The following PMP22 variants were observed in gnomAD, a reference collection of about 807,000 sequenced individuals.
The protein encoded by PMP22 is peripheral myelin protein 22.
In PMP22, 2 loss-of-function variants were observed where a neutral mutation model predicts 18.9. The observed-to-expected ratio is 0.11, with a 90% CI of 0.04 to 0.33. The LOEUF is 0.33. PMP22 is among the 10% of genes least tolerant of loss of function. The probability of loss-of-function intolerance (pLI) is 1.00; values close to 1 mark genes in which losing one functional copy is unlikely to be tolerated. For missense variants in PMP22, 169 were observed against 202.2 expected (o/e 0.84, Z 1.00); for synonymous variants, 95 against 89.2 (o/e 1.07, Z -0.37).
intron 3 of PMP22, among the ~76,000 whole-genome samples, chr17:15,243,864 A>G (rs969304776): frequency 1.4e-4 from 21 of 150,884 alleles, no homozygotes; most frequent in African/African-American, 3.9e-4. Context: ...AGTTTTAGCA[A>G]TTCAAAAATA....
At chr17:15,259,462 T>C (rs1909119617) in intron 2 of PMP22, among the ~76,000 whole-genome samples, 1 of 152,118 alleles carries the variant, frequency 6.6e-6, no homozygotes, top group South Asian at 2.1e-4. Flanking sequence ...CATTCAAGCC[T>C]TCTCTCCTCC....
At position 15,235,644 on chromosome 17, in the gene PMP22, T is replaced by C. The variant is rs1906735054; in HGVS notation, c.319+3827A>G. 1.3e-5 allele frequency among the ~76,000 whole-genome samples: 2 copies of C among 152,210 alleles called. 1 individual carries two copies. Among genetic ancestry groups the C allele is most frequent in the South Asian group, 4.1e-4 (2 of 4,828 alleles). The stretch of plus-strand genomic sequence containing the variant: ...AGGGACAGTTTAATGGCTATGTCAG[T>C]GGTTCCCAACCCTAAATGCACATCA... On this transcript the variant is annotated intron_variant, in intron 4 of 4. Coordinates refer to ENST00000312280, the MANE Select transcript of PMP22 (RefSeq NM_000304.4).
chr17:15,245,349 A>G (rs1408611573), intron 3 of PMP22, among the ~76,000 whole-genome samples: 1 of 152,190 alleles, frequency 6.6e-6, no homozygotes, highest in Non-Finnish European at 1.5e-5. Flanking sequence ...ATCCTGTCCA[A>G]GGTAAGGGTC....
At chr17:15,242,653 T>C (rs1456035520) in intron 3 of PMP22, among the ~76,000 whole-genome samples, 1 of 152,162 alleles carries the variant, frequency 6.6e-6, no homozygotes. Flanking sequence ...TCAAAATAGA[T>C]GTCAGGTAGA....
rs1017551845 is a variant in PMP22 at position 15,242,047 on chromosome 17, T to A, written c.179-2436A>T. ...CAGGTAGATCACTTGAGGCCAGGAG[T>A]TCAAGACCAGCCTGGCCAACATGCC... On this transcript the variant is annotated intron_variant, in intron 3 of 4. Coordinates refer to ENST00000312280, the MANE Select transcript of PMP22 (RefSeq NM_000304.4). 3.3e-5 allele frequency among the ~76,000 whole-genome samples: 5 copies of A among 151,322 alleles called. No individual in the cohort carries two copies. The East Asian group carries it at 7.8e-4, about 24-fold the overall frequency.
At chr17:15,234,173 G>C (rs916932685) in intron 4 of PMP22, among the ~76,000 whole-genome samples, 1 of 152,138 alleles carries the variant, frequency 6.6e-6, no homozygotes, top group Non-Finnish European at 1.5e-5. Context: ...TCAGTAGAAG[G>C]CTGGCTGTGG....
chr17:15,260,586 A>T, intron 2 of PMP22, 64 bp downstream of exon 2: 1 of 1,327,908 alleles, frequency 7.5e-7, no homozygotes, highest in Non-Finnish European at 1.1e-6. Context: ...CAGCAGGAGC[A>T]CGGGCTGGGA....
Position 15,231,025 on chromosome 17 carries a change from A to T in PMP22, c.375T>A (p.His125Gln). The T allele has an allele frequency of 1.2e-6, 2 of 1,614,126 alleles. No individual in the cohort carries two copies. Among genetic ancestry groups the T allele is most frequent in the Non-Finnish European group, 1.7e-6 (2 of 1,180,022 alleles). ...AIYTVRHPEW[H>Q]LNSDYSYGFA... ...AACCGTAGGAGTAATCCGAGTTGAG[A>T]TGCCACTCCGGGTGCCTCACCGTGT... is the stretch of plus-strand genomic sequence containing the variant. Residue 125 changes from histidine to glutamine, a missense_variant, in exon 5 of 5, where the codon CAT (histidine) becomes CAA (glutamine). Coordinates refer to ENST00000312280, the MANE Select transcript of PMP22 (RefSeq NM_000304.4).
At chr17:15,246,713 T>C (rs572105655) in intron 3 of PMP22, among the ~76,000 whole-genome samples, 1 of 152,340 alleles carries the variant, frequency 6.6e-6, no homozygotes, top group Non-Finnish European at 1.5e-5. Context: ...TGCTAAACAT[T>C]TGTGGAGTTT....
At chr17:15,238,545 A>G (rs17773165) in intron 4 of PMP22, among the ~76,000 whole-genome samples, 6,210 of 152,330 alleles carry the variant, frequency 0.041, 200 homozygotes, top group Non-Finnish European at 0.058. Flanking sequence ...AATTTGGACC[A>G]CAGAATCCAC....
chr17:15,248,959 A>G (rs936306364), intron 3 of PMP22, among the ~76,000 whole-genome samples: 4 of 152,234 alleles, frequency 2.6e-5, no homozygotes, highest in Non-Finnish European at 5.9e-5. Context: ...GAGAATGAAC[A>G]GGGAATAATT....
chr17:15,258,022 A>G lies in PMP22; in HGVS notation c.178+1072T>C, dbSNP rs1015402310. Among the ~76,000 whole-genome samples, 3 of 152,222 alleles carry G rather than the reference A, an allele frequency of 2.0e-5. No homozygotes were observed. Among genetic ancestry groups the G allele is most frequent in the Non-Finnish European group, 4.4e-5 (3 of 68,034 alleles). On this transcript the variant is annotated intron_variant, in intron 3 of 4. Transcript: ENST00000312280. This position sits in a 1 kb window ranked among gnomAD's most constrained non-coding sequence, Gnocchi z 4.1. ...CAAAGCAACTGGATTATGCAAAGCC[A>G]GGACCAAAGGCCACTTCACTGCCTG...
At chr17:15,242,490 C>T (rs1038961537) in intron 3 of PMP22, among the ~76,000 whole-genome samples, 1 of 152,004 alleles carries the variant, frequency 6.6e-6, no homozygotes, top group African/African-American at 2.4e-5. Context: ...TTTATTTGAT[C>T]TTTACTTCTG....
chr17:15,247,381 C>T (rs2150689403), intron 3 of PMP22, among the ~76,000 whole-genome samples: 1 of 152,292 alleles, frequency 6.6e-6, no homozygotes, highest in African/African-American at 2.4e-5. Context: ...ACAACAACAA[C>T]AACAAAACTA....
chr17:15,245,874 G>C (rs1281748699), intron 3 of PMP22, among the ~76,000 whole-genome samples: 3 of 151,998 alleles, frequency 2.0e-5, no homozygotes, highest in Non-Finnish European at 4.4e-5. Context: ...TTAGCCGGGC[G>C]TGGTGGCGGG....
intron 4 of PMP22, among the ~76,000 whole-genome samples, chr17:15,231,955 C>A (rs230943): frequency 0.42 from 63,382 of 151,974 alleles, 14,171 homozygotes; most frequent in South Asian, 0.52. Context: ...TGACAGACAG[C>A]GTCCCCCCAC....
chr17:15,230,794 T>G lies in PMP22; in HGVS notation c.*123A>C. Reference sequence around the variant, plus strand: ...AACAGCAACCCCCACCTCCACTGCTTTCTGTTTGGTTTGGTTTGAGTTTGG... The same window carrying G: ...AACAGCAACCCCCACCTCCACTGCTGTCTGTTTGGTTTGGTTTGAGTTTGG... On this transcript the variant is annotated 3_prime_UTR_variant, in exon 5 of 5. Coordinates refer to ENST00000312280, the MANE Select transcript of PMP22 (RefSeq NM_000304.4). 3 of 1,006,254 alleles carry G rather than the reference T, an allele frequency of 3.0e-6. No homozygotes were observed. The highest frequency in any genetic ancestry group is 4.7e-6 in the Non-Finnish European group (3 of 644,882). The allele number at this position is 1,006,254 out of a possible 1,614,324, so 62.3% of individuals were successfully genotyped here.
intron 4 of PMP22, 37 bp downstream of exon 4, chr17:15,239,434 C>G: frequency 6.2e-7 from 1 of 1,612,042 alleles, no homozygotes; most frequent in Non-Finnish European, 8.5e-7. Context: ...CTTGGATGCA[C>G]CCCGCTTCCA....
intron 4 of PMP22, among the ~76,000 whole-genome samples, chr17:15,231,702 G>A (rs574801709): frequency 2.0e-5 from 3 of 152,298 alleles, no homozygotes; most frequent in African/African-American, 7.2e-5. Context: ...GGATGCAGCC[G>A]ACAGTATGAC....
Sources: gnomAD v4.1 joint callset for allele counts (sites outside exome capture counted in the v4.1 genomes callset) on GRCh38, gnomAD v4.1.1 for gene constraint, Gnocchi (gnomAD v3.1) non-coding constraint, MANE v1.5 for transcripts, NCBI Gene and HGNC (gene_info 2026-07-23, HGNC 2026-07-21) for gene names.